The following CHAMP1 variants were observed in gnomAD, a reference collection of about 807,000 sequenced individuals.
CHAMP1 encodes the protein chromosome alignment maintaining phosphoprotein 1, also known as chromosome alignment-maintaining phosphoprotein 1.
In CHAMP1, 4 loss-of-function variants were observed where a neutral mutation model predicts 54.5. The ratio of observed to expected loss-of-function variants is 0.07; its 90% CI spans 0.04 to 0.17. The LOEUF (loss-of-function observed/expected upper bound fraction) is 0.17. Among genes scored for constraint, CHAMP1 ranks in the 10% least tolerant of loss-of-function variants. The pLI, the probability that CHAMP1 is intolerant of heterozygous loss-of-function variation, is 1.00. For synonymous variants in CHAMP1, 368 were observed against 342.2 expected, an observed-to-expected ratio of 1.08 and a Z score of -0.83; for missense variants, 994 against 968.6, an observed-to-expected ratio of 1.03 and a Z score of -0.35.
Position 114,323,986 on chromosome 13 carries a change from G to A in CHAMP1, c.144G>A (p.Gly48=). The stretch of plus-strand genomic sequence containing the variant: ...TTTGTGATGAAATGGATGCTGGTGG[G>A]CTAGGCAAAATGATATTTTACCAGA... ...PEFCDEMDAG[G]LGKMIFYQKS... Residue 48 remains glycine, a synonymous_variant, in exon 3 of 3, where the codon GGG becomes GGA. Transcript: ENST00000361283. 6.2e-6 allele frequency: 10 copies of A among 1,614,142 alleles called. No homozygotes were observed. The highest frequency in any genetic ancestry group is 8.5e-6 in the Non-Finnish European group (10 of 1,180,034).
chr13:114,324,933 C>T lies in CHAMP1; in HGVS notation c.1091C>T (p.Ser364Phe), dbSNP rs782051660. Residue 364 changes from serine to phenylalanine, a missense_variant, in exon 3 of 3, where the codon TCT becomes TTT. Physicochemically the swap from Ser to Phe is radical, Grantham distance 155. Coordinates refer to ENST00000361283, the MANE Select transcript of CHAMP1 (RefSeq NM_032436.4). ...CCTGGACCTTGGAAACCAACTCCAT[C>T]TGTGTCTTCTGCATCCTGGAAATCT... is the stretch of plus-strand genomic sequence containing the variant. ...VSPGPWKPTPSVSSASWKSSS... is the reference protein window; with the variant it reads ...VSPGPWKPTPFVSSASWKSSS... The T allele has an allele frequency of 2.5e-6, 4 of 1,614,082 alleles. No individual in the cohort carries two copies. In the South Asian group the frequency reaches 4.4e-5, roughly 18 times the overall value.
rs531061508 is a variant in CHAMP1 at position 114,319,810 on chromosome 13, G to A, written c.-178-1300G>A. Among the ~76,000 whole-genome samples the A allele has an allele frequency of 6.6e-5, 10 of 152,304 alleles. No homozygotes were observed. In the South Asian group the frequency reaches 1.9e-3, roughly 28 times the overall value. Reference sequence around the variant, plus strand: ...GATGAAGGAGTTTGCCTGATGGCCGGGTGGCAAGACAGGGAGTGTAAAGGA... The same window carrying A: ...GATGAAGGAGTTTGCCTGATGGCCGAGTGGCAAGACAGGGAGTGTAAAGGA... On this transcript the variant is annotated intron_variant, in intron 1 of 2. Coordinates refer to ENST00000361283, the MANE Select transcript of CHAMP1 (RefSeq NM_032436.4).
intron 1 of CHAMP1, among the ~76,000 whole-genome samples, chr13:114,320,695 A>G (rs956837326): frequency 6.6e-6 from 1 of 151,996 alleles, no homozygotes; most frequent in African/African-American, 2.4e-5. Context: ...GGTGGCTCAC[A>G]CCTGTAATCC....
chr13:114,325,475 G>A lies in CHAMP1; in HGVS notation c.1633G>A (p.Ala545Thr). The A allele has an allele frequency of 6.2e-7, 1 of 1,614,120 alleles. No individual in the cohort carries two copies. Residue 545 changes from alanine (A) to threonine (T), a missense_variant, in exon 3 of 3, where the codon GCA (alanine) becomes ACA (threonine). By Grantham distance (58) the Ala-to-Thr change is moderately conservative. Coordinates refer to ENST00000361283, the MANE Select transcript of CHAMP1 (RefSeq NM_032436.4). ...AACAGCCCCTCCTGCTTCTCCAGAA[G>A]CACGCAAACGTGCCCTTTTTCCAGA... ...AKTAPPASPEARKRALFPEPR... is the reference protein window; with the variant it reads ...AKTAPPASPETRKRALFPEPR...
In CHAMP1 at chr13:114,327,064, T is replaced by G. The variant is rs1022736505; in HGVS notation, c.*783T>G. 6.6e-6 allele frequency: 1 copy of G among 151,980 alleles called. No homozygotes were observed. The highest frequency in any genetic ancestry group is 1.5e-5 in the Non-Finnish European group (1 of 65,592). The allele number at this position is 151,980 out of a possible 1,614,324, so 9.4% of individuals were successfully genotyped here. On this transcript the variant is annotated 3_prime_UTR_variant, in exon 3 of 3. Coordinates refer to ENST00000361283, the MANE Select transcript of CHAMP1 (RefSeq NM_032436.4). ...ATAGATGATTCTTAATTGCCAAATG[T>G]GTTAGAGTTTGTATATCCTACTCCT...
At chr13:114,318,904 T>C (rs1427663120) in intron 1 of CHAMP1, among the ~76,000 whole-genome samples, 1 of 137,560 alleles carries the variant, frequency 7.3e-6, no homozygotes, top group Admixed American at 7.9e-5. Flanking sequence ...CCTAGTTTGT[T>C]AGAGACTCTC....
At chr13:114,317,013 T>A (rs2087107438) in intron 1 of CHAMP1, among the ~76,000 whole-genome samples, 1 of 152,054 alleles carries the variant, frequency 6.6e-6, no homozygotes, top group Non-Finnish European at 1.5e-5. Flanking sequence ...TTTATTAATT[T>A]CTTTCTTTTT....
intron 2 of CHAMP1, chr13:114,321,952 G>C (rs1566789744): frequency 6.6e-6 from 1 of 151,454 alleles, no homozygotes; most frequent in Non-Finnish European, 1.5e-5. Flanking sequence ...AAAGGCAAAT[G>C]ATATACCTTG....
rs1479944847 is a variant in CHAMP1 at position 114,325,470 on chromosome 13, C to T, written c.1628C>T (p.Pro543Leu). Reference sequence around the variant, plus strand: ...GCCAAAACAGCCCCTCCTGCTTCTCCAGAAGCACGCAAACGTGCCCTTTTT... The same window carrying T: ...GCCAAAACAGCCCCTCCTGCTTCTCTAGAAGCACGCAAACGTGCCCTTTTT... ...EPAKTAPPAS[P>L]EARKRALFPE... The change falls in exon 3 of 3, where the codon CCA becomes CTA. Residue 543 changes from proline (P) to leucine (L), a missense_variant. This residue lies in a region of CHAMP1 where 851 missense variants were observed against 701.3 expected (regional missense o/e 1.21). Transcript: ENST00000361283. 5 of 1,614,022 alleles carry T rather than the reference C, an allele frequency of 3.1e-6. No individual in the cohort carries two copies. Among genetic ancestry groups the T allele is most frequent in the Non-Finnish European group, 4.2e-6 (5 of 1,180,038 alleles).
At chr13:114,319,714 G>T (rs1205879476) in intron 1 of CHAMP1, among the ~76,000 whole-genome samples, 2 of 152,212 alleles carry the variant, frequency 1.3e-5, no homozygotes, top group Non-Finnish European at 2.9e-5. Context: ...TTGGCATATG[G>T]GGGAAGTCCT....
At position 114,325,924 on chromosome 13, in the gene CHAMP1, T is replaced by A. The variant is rs9525332; in HGVS notation, c.2082T>A (p.Ser694=). The A allele has an allele frequency of 6.2e-7, 1 of 1,614,052 alleles. No individual in the cohort carries two copies. Among genetic ancestry groups the A allele is most frequent in the Non-Finnish European group, 8.5e-7 (1 of 1,179,986 alleles). ...QFTEEKEAFI[S]EEEIAKYMKR... is the part of the protein sequence containing the mutation. ...CTGAAGAAAAAGAAGCTTTTATCTC[T>A]GAAGAGGAGATTGCAAAATACATGA... The change falls in exon 3 of 3, where the codon TCT becomes TCA. Residue 694 remains serine (S), a synonymous_variant. Transcript: ENST00000361283.
rs934218859 is a variant in CHAMP1 at position 114,327,259 on chromosome 13, T to C, written c.*978T>C. On this transcript the variant is annotated 3_prime_UTR_variant, in exon 3 of 3. Coordinates refer to ENST00000361283, the MANE Select transcript of CHAMP1 (RefSeq NM_032436.4). Reference sequence around the variant, plus strand: ...ATACCTTGTACCTGTTCATGGATTATTTTATTCTAAAATATTTTGTCAAAT... The same window carrying C: ...ATACCTTGTACCTGTTCATGGATTACTTTATTCTAAAATATTTTGTCAAAT... The C allele has an allele frequency of 1.2e-5, 2 of 162,862 alleles. No homozygotes were observed. Among genetic ancestry groups the C allele is most frequent in the Non-Finnish European group, 2.9e-5 (2 of 68,106 alleles). 10.1% of individuals were successfully genotyped at this position (162,862 alleles called of 1,614,324 possible).
chr13:114,324,927 C>T lies in CHAMP1; in HGVS notation c.1085C>T (p.Thr362Ile), dbSNP rs781905647. Residue 362 changes from threonine (T) to isoleucine (I), a missense_variant, in exon 3 of 3, where the codon ACT becomes ATT. Transcript: ENST00000361283. Reference protein sequence around the residue: ...PSVSPGPWKPTPSVSSASWKS... With the variant: ...PSVSPGPWKPIPSVSSASWKS... ...GTATCTCCTGGACCTTGGAAACCAA[C>T]TCCATCTGTGTCTTCTGCATCCTGG... 5 of 1,614,072 alleles carry T rather than the reference C, an allele frequency of 3.1e-6. No homozygotes were observed. The Admixed American group carries it at 6.7e-5, about 22-fold the overall frequency.
At chr13:114,322,797 G>A (rs542411814) in intron 2 of CHAMP1, 11 of 152,328 alleles carry the variant, frequency 7.2e-5, no homozygotes, top group African/African-American at 2.6e-4. Flanking sequence ...TGTAAAGCAT[G>A]TGTGTTGATC....
chr13:114,324,318 C>T lies in CHAMP1; in HGVS notation c.476C>T (p.Pro159Leu), dbSNP rs2087210017. The T allele has an allele frequency of 3.1e-6, 5 of 1,614,126 alleles. No homozygotes were observed. The highest frequency in any genetic ancestry group is 4.2e-6 in the Non-Finnish European group (5 of 1,180,030). Residue 159 changes from proline (P) to leucine (L), a missense_variant, in exon 3 of 3, where the codon CCT (proline) becomes CTT (leucine). By Grantham distance (98) the Pro-to-Leu change is moderately conservative. Coordinates refer to ENST00000361283, the MANE Select transcript of CHAMP1 (RefSeq NM_032436.4). ...CTTACTCCCCTGGAGCCTCAGAAACCTGGCTCTGTTGTTTCTCCTGAGCTA... is the reference window on the plus strand; with the variant it reads ...CTTACTCCCCTGGAGCCTCAGAAACTTGGCTCTGTTGTTTCTCCTGAGCTA... ...TPLTPLEPQK[P>L]GSVVSPELQT...
At chr13:114,318,857 C>CTTT (rs56669844) in intron 1 of CHAMP1, among the ~76,000 whole-genome samples, 3 of 24,192 alleles carry the variant, frequency 1.2e-4, no homozygotes, top group African/African-American at 5.1e-4. Context: ...TCCTGGTTGC[C>CTTT]TTTTTTTTTT....
intron 2 of CHAMP1, chr13:114,322,958 T>C (rs886783885): frequency 7.2e-5 from 11 of 152,234 alleles, no homozygotes; most frequent in African/African-American, 2.7e-4. Flanking sequence ...ACAATTTTTT[T>C]AAATTCATGT....
chr13:114,318,872 TTTTTTTTTTTTTTTA>T (rs2087133694), intron 1 of CHAMP1, among the ~76,000 whole-genome samples: 1 of 134,076 alleles, frequency 7.5e-6, no homozygotes, highest in Admixed American at 7.5e-5. Flanking sequence ...TTTTTTTTTT[TTTTTTTTTTTTTTTA>T]ATGTTCCCTA....
At position 114,325,337 on chromosome 13, in the gene CHAMP1, C is replaced by T. The variant is rs782662682; in HGVS notation, c.1495C>T (p.Pro499Ser). The change falls in exon 3 of 3, where the codon CCA becomes TCA. Residue 499 changes from proline (P) to serine (S), a missense_variant. Physicochemically the swap from Pro to Ser is moderately conservative, Grantham distance 74. Transcript: ENST00000361283. The stretch of plus-strand genomic sequence containing the variant: ...ACCTGTCTTCCCTGAGACCCGAAAA[C>T]CAGGTCCTTCTGGGCCATCTGAGTC... ...QKPVFPETRK[P>S]GPSGPSESPK... 6.2e-7 allele frequency: 1 copy of T among 1,614,148 alleles called. No individual in the cohort carries two copies. Among genetic ancestry groups the T allele is most frequent in the Non-Finnish European group, 8.5e-7 (1 of 1,180,032 alleles).
Sources: gnomAD v4.1 joint callset for allele counts (sites outside exome capture counted in the v4.1 genomes callset) on GRCh38, gnomAD v4.1.1 for gene constraint, gnomAD v4.1.1 regional missense constraint, MANE v1.5 for transcripts, NCBI Gene and HGNC (gene_info 2026-07-23, HGNC 2026-07-21) for gene names.